The following SPTLC2 variants were observed in gnomAD, a reference collection of about 807,000 sequenced individuals.
SPTLC2 encodes serine palmitoyltransferase long chain base subunit 2.
In SPTLC2, 21 loss-of-function variants were observed where a neutral mutation model predicts 62.0. The observed-to-expected ratio is 0.34, with a 90% CI of 0.24 to 0.49. The LOEUF (loss-of-function observed/expected upper bound fraction) is 0.49, where lower values mean the gene tolerates loss of function less well. Ranked by LOEUF, SPTLC2 falls within the 20% of genes least tolerant of loss-of-function variation. The pLI, the probability that SPTLC2 is intolerant of heterozygous loss-of-function variation, is 0.99. For synonymous variants in SPTLC2, 261 were observed against 261.8 expected, an observed-to-expected ratio of 1.00 and a Z score of 0.03; for missense variants, 511 against 713.0, an observed-to-expected ratio of 0.72 and a Z score of 3.23.
intron 9 of SPTLC2, among the ~76,000 whole-genome samples, chr14:77,524,439 TAAA>T (rs58888508): frequency 2.2e-5 from 3 of 133,928 alleles, no homozygotes; most frequent in South Asian, 2.4e-4. Context: ...TAGCCTCTGT[TAAA>T]AAAAAAAAAA....
chr14:77,563,765 C>T (rs190092379), intron 5 of SPTLC2, among the ~76,000 whole-genome samples: 3 of 152,210 alleles, frequency 2.0e-5, no homozygotes, highest in African/African-American at 7.2e-5. Context: ...TGAAAAAAAT[C>T]CACGTGTAAG....
At chr14:77,527,825 A>G (rs148366141) in intron 9 of SPTLC2, among the ~76,000 whole-genome samples, 121 of 152,326 alleles carry the variant, frequency 7.9e-4, no homozygotes, top group Middle Eastern at 6.8e-3. Context: ...GTCTTAAACT[A>G]GTACTATTTA....
At chr14:77,599,105 C>T (rs1044251358) in intron 1 of SPTLC2, among the ~76,000 whole-genome samples, 1 of 152,142 alleles carries the variant, frequency 6.6e-6, no homozygotes, top group Admixed American at 6.5e-5. Context: ...GATTTTAATA[C>T]ACAAAAACCA....
Position 77,601,573 on chromosome 14 carries a change from A to G in SPTLC2, c.133-4193T>C, listed in dbSNP as rs114447859. 9.5e-3 allele frequency among the ~76,000 whole-genome samples: 1,448 copies of G among 152,298 alleles called. 20 individuals carry two copies. Among genetic ancestry groups the G allele is most frequent in the African/African-American group, 0.033 (1,381 of 41,536 alleles). ...GGGTCTCTTCACATGCACACGTGAAACATTTGGTGCCAAAGACCAGGGTCA... is the reference window on the plus strand; with the variant it reads ...GGGTCTCTTCACATGCACACGTGAAGCATTTGGTGCCAAAGACCAGGGTCA... On this transcript the variant is annotated intron_variant, in intron 1 of 11. Transcript: ENST00000216484.
intron 2 of SPTLC2, among the ~76,000 whole-genome samples, chr14:77,591,918 T>A (rs2079819987): frequency 6.6e-6 from 1 of 151,822 alleles, no homozygotes; most frequent in African/African-American, 2.4e-5. Flanking sequence ...AGAGACCGGG[T>A]TTCACCATGT....
In SPTLC2 at chr14:77,582,825, G is replaced by A. The variant is rs1485307599; in HGVS notation, c.328-3716C>T. 2.6e-5 allele frequency among the ~76,000 whole-genome samples: 4 copies of A among 152,288 alleles called. No homozygotes were observed. In the East Asian group the frequency reaches 5.8e-4, roughly 22 times the overall value. ...AGAATGGTAGGAGAGAGGGACTTAC[G>A]GCCGAAATCTCAGCTCCCCTTTACT... On this transcript the variant is annotated intron_variant, in intron 2 of 11. Transcript: ENST00000216484.
intron 1 of SPTLC2, among the ~76,000 whole-genome samples, chr14:77,611,458 C>CAAAAAAAAAAA (rs34421039): frequency 9.0e-6 from 1 of 110,836 alleles, no homozygotes; most frequent in Non-Finnish European, 1.8e-5. Flanking sequence ...CCTATCTCGC[C>CAAAAAAAAAAA]AAAAAAAAAA....
chr14:77,533,536 G>A (rs2079452154), intron 9 of SPTLC2, among the ~76,000 whole-genome samples: 2 of 152,176 alleles, frequency 1.3e-5, no homozygotes, highest in Non-Finnish European at 2.9e-5. Context: ...TGAGCAGGGA[G>A]TGTACACGCA....
At chr14:77,599,231 T>C (rs568895669) in intron 1 of SPTLC2, among the ~76,000 whole-genome samples, 1 of 152,230 alleles carries the variant, frequency 6.6e-6, no homozygotes, top group Non-Finnish European at 1.5e-5. Context: ...AACTTTAATC[T>C]TAACTTTGGA....
At chr14:77,588,964 T>G (rs957407478) in intron 2 of SPTLC2, among the ~76,000 whole-genome samples, 9 of 124,884 alleles carry the variant, frequency 7.2e-5, no homozygotes, top group Non-Finnish European at 1.4e-4. Flanking sequence ...GCCACTGCAC[T>G]TCAGCCTGGG....
At chr14:77,576,979 A>C in intron 3 of SPTLC2, 64 bp from the exon 4 acceptor site, 1 of 1,580,566 alleles carries the variant, frequency 6.3e-7, no homozygotes, top group Non-Finnish European at 8.7e-7. Flanking sequence ...TGTAATATTA[A>C]ATGAACTGGT....
intron 1 of SPTLC2, among the ~76,000 whole-genome samples, chr14:77,600,750 T>C (rs1236946944): frequency 6.6e-6 from 1 of 152,190 alleles, no homozygotes; most frequent in South Asian, 2.1e-4. Context: ...TGAACAGTAA[T>C]ATTACTGTTT....
At chr14:77,586,473 T>C (rs1310350734) in intron 2 of SPTLC2, among the ~76,000 whole-genome samples, 2 of 152,196 alleles carry the variant, frequency 1.3e-5, no homozygotes, top group African/African-American at 2.4e-5. Context: ...CTCGAACAAG[T>C]ACTTGTATGT....
rs2079313975 is a variant in SPTLC2, at chr14:77,507,961, A to G, written c.*4323T>C. On this transcript the variant is annotated 3_prime_UTR_variant, in exon 12 of 12. Coordinates refer to ENST00000216484, the MANE Select transcript of SPTLC2 (RefSeq NM_004863.4). ...ACGCTCAAATTCTTGGGTTTAAGCAATCCTCCGGCCTCAGCCTCTCAAGTA... is the reference window on the plus strand; with the variant it reads ...ACGCTCAAATTCTTGGGTTTAAGCAGTCCTCCGGCCTCAGCCTCTCAAGTA... 6.6e-6 allele frequency: 1 copy of G among 152,190 alleles called. No homozygotes were observed. Among genetic ancestry groups the G allele is most frequent in the African/African-American group, 2.4e-5 (1 of 41,436 alleles). 9.4% of individuals were successfully genotyped at this position (152,190 alleles called of 1,614,324 possible).
intron 9 of SPTLC2, among the ~76,000 whole-genome samples, chr14:77,537,922 C>A (rs1425850228): frequency 6.6e-6 from 1 of 152,178 alleles, no homozygotes; most frequent in Non-Finnish European, 1.5e-5. Flanking sequence ...TCCTATCTTC[C>A]ATACAACATG....
At chr14:77,531,788 A>G (rs2079442451) in intron 9 of SPTLC2, among the ~76,000 whole-genome samples, 1 of 152,134 alleles carries the variant, frequency 6.6e-6, no homozygotes, top group Admixed American at 6.5e-5. Context: ...CTGGGATTAC[A>G]GGCGTGAGCC....
Position 77,563,535 on chromosome 14 carries a change from C to G in SPTLC2, c.757-1046G>C, listed in dbSNP as rs368979284. Among the ~76,000 whole-genome samples the G allele has an allele frequency of 1.9e-4, 29 of 152,184 alleles. 1 individual carries two copies. Among genetic ancestry groups the G allele is most frequent in the East Asian group, 1.5e-3 (8 of 5,184 alleles). On this transcript the variant is annotated intron_variant, in intron 5 of 11. Coordinates refer to ENST00000216484, the MANE Select transcript of SPTLC2 (RefSeq NM_004863.4). ...CTGCCTCCCAGATTCAAGCGATTCTCCTGCCTCAGCGTCCCAGCTAGCTGG... is the reference window on the plus strand; with the variant it reads ...CTGCCTCCCAGATTCAAGCGATTCTGCTGCCTCAGCGTCCCAGCTAGCTGG...
At chr14:77,590,737 AAAAT>A (rs2079811334) in intron 2 of SPTLC2, among the ~76,000 whole-genome samples, 1 of 152,138 alleles carries the variant, frequency 6.6e-6, no homozygotes, top group Admixed American at 6.6e-5. Flanking sequence ...AATAAAAATA[AAAAT>A]AAATAAAGTA....
chr14:77,530,359 T>G (rs1424151756), intron 9 of SPTLC2, among the ~76,000 whole-genome samples: 1 of 152,060 alleles, frequency 6.6e-6, no homozygotes, highest in Non-Finnish European at 1.5e-5. Flanking sequence ...GATGGAGTCT[T>G]GCTCTGTTGC....
Sources: gnomAD v4.1 joint callset for allele counts (sites outside exome capture counted in the v4.1 genomes callset) on GRCh38, gnomAD v4.1.1 for gene constraint, MANE v1.5 for transcripts, NCBI Gene and HGNC (gene_info 2026-07-23, HGNC 2026-07-21) for gene names.